The following SEL1L3 variants were observed in gnomAD, a reference collection of about 807,000 sequenced individuals.
SEL1L3 encodes the protein SEL1L family member 3.
In SEL1L3, 76 loss-of-function variants were observed where a neutral mutation model predicts 142.8. The observed-to-expected ratio is 0.53, with a 90% CI of 0.44 to 0.64. The LOEUF (loss-of-function observed/expected upper bound fraction) is 0.64. Among genes scored for constraint, SEL1L3 ranks in the 30% least tolerant of loss-of-function variants. The pLI is 0.00. For synonymous variants in SEL1L3, 504 were observed against 519.6 expected (o/e 0.97, Z 0.41); for missense variants, 1,262 against 1,381.7 (o/e 0.91, Z 1.37).
intron 2 of SEL1L3, among the ~76,000 whole-genome samples, chr4:25,838,846 C>G (rs1715995527): frequency 6.6e-6 from 1 of 152,196 alleles, no homozygotes; most frequent in African/African-American, 2.4e-5. Flanking sequence ...TCTGGTTCAG[C>G]TGAGTGATCA....
intron 1 of SEL1L3, among the ~76,000 whole-genome samples, chr4:25,862,472 C>T (rs1717787047): frequency 6.6e-6 from 1 of 152,246 alleles, no homozygotes; most frequent in Admixed American, 6.5e-5. Flanking sequence ...GAGAGAGCAG[C>T]TTGGCAAGTC....
chr4:25,847,419 G>A lies in SEL1L3; in HGVS notation c.608C>T (p.Thr203Ile), dbSNP rs1716596403. 3 of 1,613,940 alleles carry A rather than the reference G, an allele frequency of 1.9e-6. No homozygotes were observed. Among genetic ancestry groups the A allele is most frequent in the Middle Eastern group, 1.6e-4 (1 of 6,062 alleles). ...NLLHAVAKNY[T>I]LLQTIPPFER... ...AAAAGGCGGGATGGTCTGCAGGAGG[G>A]TATAATTCTTTGCTACAGCATGGAG... The change falls in exon 2 of 24, where the codon ACC (threonine) becomes ATC (isoleucine). Residue 203 changes from threonine to isoleucine, a missense_variant. Physicochemically the swap from Thr to Ile is moderately conservative, Grantham distance 89 (BLOSUM62 -1). This residue lies in a region of SEL1L3 where 689 missense variants were observed against 692.8 expected (regional missense o/e 0.99). Coordinates refer to ENST00000399878, the MANE Select transcript of SEL1L3 (RefSeq NM_015187.5).
chr4:25,777,850 TC>T (rs1356830946), intron 16 of SEL1L3: 4 of 456,192 alleles, frequency 8.8e-6, no homozygotes, highest in South Asian at 4.6e-5. Flanking sequence ...AGCCAGGGTA[TC>T]AGTGTGAGGG....
chr4:25,823,912 A>G (rs1364496558), intron 6 of SEL1L3, among the ~76,000 whole-genome samples: 1 of 152,186 alleles, frequency 6.6e-6, no homozygotes, highest in Admixed American at 6.5e-5. Context: ...AAGCCCTAGC[A>G]GGTGCACCTG....
chr4:25,786,004 A>G (rs1711798839), intron 13 of SEL1L3, among the ~76,000 whole-genome samples: 1 of 152,194 alleles, frequency 6.6e-6, no homozygotes, highest in African/African-American at 2.4e-5. Flanking sequence ...ACTCTACACG[A>G]ATCTGAGTAG....
At chr4:25,807,262 G>A (rs1019176876) in intron 9 of SEL1L3, among the ~76,000 whole-genome samples, 1 of 152,170 alleles carries the variant, frequency 6.6e-6, no homozygotes, top group African/African-American at 2.4e-5. Context: ...AACCAACAAC[G>A]TGGCATTGAA....
intron 1 of SEL1L3, among the ~76,000 whole-genome samples, chr4:25,859,562 C>T (rs1717550585): frequency 6.6e-6 from 1 of 152,190 alleles, no homozygotes; most frequent in Non-Finnish European, 1.5e-5. Context: ...TGCTTAAAGG[C>T]ATCTATTCAG....
intron 1 of SEL1L3, among the ~76,000 whole-genome samples, chr4:25,853,840 T>A (rs568298113): frequency 6.6e-6 from 1 of 152,030 alleles, no homozygotes; most frequent in Non-Finnish European, 1.5e-5. Flanking sequence ...CCCAGCTAAT[T>A]TTTGTATTTT....
chr4:25,759,013 A>T lies in SEL1L3; in HGVS notation c.3011T>A (p.Ile1004Asn). Residue 1004 changes from isoleucine (I) to asparagine (N), a missense_variant, in exon 21 of 24, where the codon ATC (isoleucine) becomes AAC (asparagine). Ile to Asn is a moderately radical substitution (Grantham distance 149). Transcript: ENST00000399878. ...TGAGTCAATTTCCAAGAAATCCAAG[A>T]TATGGTGTGGGATTATCGTACCTTC... ...IEEGTIIPHH[I>N]LDFLEIDSTL... 2 of 1,613,778 alleles carry T rather than the reference A, an allele frequency of 1.2e-6. No individual in the cohort carries two copies. Among genetic ancestry groups the T allele is most frequent in the Non-Finnish European group, 1.7e-6 (2 of 1,179,784 alleles).
intron 1 of SEL1L3, 125 bp from the exon 2 acceptor site, chr4:25,847,989 C>T (rs768297484): frequency 1.7e-5 from 11 of 654,436 alleles, no homozygotes; most frequent in African/African-American, 5.5e-5. Flanking sequence ...TGAATGAATG[C>T]GGGAGATAAA....
intron 17 of SEL1L3, among the ~76,000 whole-genome samples, chr4:25,771,032 A>G (rs1719143465): frequency 6.6e-6 from 1 of 152,246 alleles, no homozygotes. Flanking sequence ...CTTCTGAGAC[A>G]ATGCCTCTGC....
the SEL1L3 span, among the ~76,000 whole-genome samples, chr4:25,730,391 A>G: frequency 2.0e-5 from 3 of 151,912 alleles, no homozygotes; most frequent in African/African-American, 4.8e-5. Context: ...ATGGGGATGC[A>G]TAGAGGAGTA....
intron 9 of SEL1L3, among the ~76,000 whole-genome samples, chr4:25,806,384 C>T (rs749834061): frequency 4.6e-5 from 7 of 151,918 alleles, no homozygotes; most frequent in Non-Finnish European, 1.0e-4. Context: ...GAGACTCACT[C>T]TTATCAGCCC....
intron 2 of SEL1L3, among the ~76,000 whole-genome samples, chr4:25,836,184 G>A (rs1715804327): frequency 6.6e-6 from 1 of 152,042 alleles, no homozygotes; most frequent in Non-Finnish European, 1.5e-5. Flanking sequence ...CTTCTCTATA[G>A]CTCTAAAAAG....
chr4:25,772,299 A>G (rs992627790), intron 17 of SEL1L3, among the ~76,000 whole-genome samples: 4 of 152,260 alleles, frequency 2.6e-5, no homozygotes, highest in Non-Finnish European at 4.4e-5. Flanking sequence ...TTTCAAATCC[A>G]GACTGAGACA....
intron 1 of SEL1L3, among the ~76,000 whole-genome samples, chr4:25,861,404 G>A (rs1717697065): frequency 6.6e-6 from 1 of 152,184 alleles, no homozygotes; most frequent in African/African-American, 2.4e-5. Flanking sequence ...ACAGGTAGAT[G>A]CACAGGCAGA....
chr4:25,802,174 T>G, intron 11 of SEL1L3, 109 bp downstream of exon 11: 1 of 918,414 alleles, frequency 1.1e-6, no homozygotes, highest in Non-Finnish European at 1.6e-6. Flanking sequence ...TCCATTTGAT[T>G]ATGTTCAACC....
intron 2 of SEL1L3, among the ~76,000 whole-genome samples, chr4:25,836,132 A>G (rs1715801156): frequency 6.6e-6 from 1 of 152,186 alleles, no homozygotes; most frequent in African/African-American, 2.4e-5. Flanking sequence ...ATACCTTAAC[A>G]TTGGAAAGTC....
intron 9 of SEL1L3, among the ~76,000 whole-genome samples, chr4:25,805,549 G>C (rs535515482): frequency 6.6e-6 from 1 of 152,108 alleles, no homozygotes; most frequent in South Asian, 2.1e-4. Flanking sequence ...TTACCACGCG[G>C]ATAGAGACTT....
Sources: allele counts gnomAD v4.1 joint callset (sites outside exome capture counted in the v4.1 genomes callset), GRCh38; gene constraint gnomAD v4.1.1; regional missense constraint gnomAD v4.1.1; transcripts MANE v1.5; gene names NCBI Gene and HGNC (gene_info 2026-07-23, HGNC 2026-07-21).